The following EFHB variants were observed in gnomAD, a reference collection of about 807,000 sequenced individuals.
The protein encoded by EFHB is EF-hand domain family member B, also known as EF-hand domain-containing family member B.
EFHB carries 91 observed loss-of-function variants against 87.2 expected under a neutral mutation model. The ratio of observed to expected loss-of-function variants is 1.04; its 90% CI spans 0.88 to 1.24. The LOEUF (loss-of-function observed/expected upper bound fraction) is 1.24, where lower values mean the gene tolerates loss of function less well. Among genes scored for constraint, EFHB ranks in the 50% most tolerant of loss-of-function variants. The pLI, the probability that EFHB is intolerant of heterozygous loss-of-function variation, is 0.00. For synonymous variants in EFHB, 325 were observed against 333.6 expected (o/e 0.97, Z 0.28); for missense variants, 1,084 against 998.8 (o/e 1.09, Z -1.15).
intron 5 of EFHB, among the ~76,000 whole-genome samples, chr3:19,914,100 T>G (rs567116024): frequency 6.6e-6 from 1 of 152,134 alleles, no homozygotes. Context: ...CGCACCACCA[T>G]GCCTGACTAA....
intron 5 of EFHB, among the ~76,000 whole-genome samples, chr3:19,908,590 GAGAGAGAGAGAAAGAAAGAAAGAA>G (rs1694933012): frequency 3.6e-5 from 4 of 111,186 alleles, no homozygotes; most frequent in East Asian, 2.6e-4. Context: ...GAGAGAGAGA[GAGAGAGAGAGAAAGAAAGAAAGAA>G]AGAAAGAAAG....
chr3:19,917,455 A>T (rs1695272992), intron 4 of EFHB, among the ~76,000 whole-genome samples: 1 of 152,154 alleles, frequency 6.6e-6, no homozygotes, highest in South Asian at 2.1e-4. Context: ...AACAAAGCTA[A>T]GGTTCCTGGA....
At chr3:19,939,952 C>T (rs1394288107) in intron 1 of EFHB, among the ~76,000 whole-genome samples, 3 of 152,188 alleles carry the variant, frequency 2.0e-5, no homozygotes, top group Non-Finnish European at 4.4e-5. Flanking sequence ...ATCTCCTCTA[C>T]AGGAGTTTAA....
At chr3:19,917,788 G>A (rs749471958) in intron 4 of EFHB, among the ~76,000 whole-genome samples, 13 of 152,140 alleles carry the variant, frequency 8.5e-5, no homozygotes, top group Non-Finnish European at 1.5e-4. Flanking sequence ...TAGACCTCAC[G>A]GATCTGCATG....
At chr3:19,941,461 G>A (rs2125172193) in intron 1 of EFHB, 1 of 159,774 alleles carries the variant, frequency 6.3e-6, no homozygotes, top group Non-Finnish European at 1.4e-5. Flanking sequence ...ATAAAATGGT[G>A]GACCACTTGG....
intron 1 of EFHB, among the ~76,000 whole-genome samples, chr3:19,926,849 G>A (rs933405578): frequency 5.3e-5 from 8 of 151,412 alleles, no homozygotes; most frequent in East Asian, 3.9e-4. Context: ...TAGTAGAGAC[G>A]GGGTTTCTCT....
Position 19,884,265 on chromosome 3 carries a change from G to A in EFHB, c.2146+138C>T, listed in dbSNP as rs2071755277. On this transcript the variant is annotated intron_variant, in intron 11 of 12. Transcript: ENST00000295824. ...TTTATATGTGGGCCTCTCCTCCCCA[G>A]GTGGTTAGAATATGAATTAAATGCA... The A allele has an allele frequency of 6.5e-6, 5 of 764,494 alleles. No homozygotes were observed. The South Asian group carries it at 9.9e-5, about 15-fold the overall frequency. 47.4% of individuals were successfully genotyped at this position (764,494 alleles called of 1,614,324 possible). A position where few individuals can be genotyped will look rare whatever the true frequency, so the allele number is the denominator to read the frequency against.
At chr3:19,895,958 T>C (rs960350571) in intron 9 of EFHB, among the ~76,000 whole-genome samples, 1 of 152,224 alleles carries the variant, frequency 6.6e-6, no homozygotes, top group African/African-American at 2.4e-5. Flanking sequence ...TATGTAGCCC[T>C]AGATTGATCT....
intron 5 of EFHB, among the ~76,000 whole-genome samples, chr3:19,906,232 G>A (rs927986791): frequency 1.3e-5 from 2 of 152,186 alleles, no homozygotes; most frequent in Admixed American, 1.3e-4. Context: ...CGGAGGCTGA[G>A]GCACGAGAAT....
Position 19,933,777 on chromosome 3 carries a change from C to A in EFHB, c.242G>T (p.Arg81Met), listed in dbSNP as rs1443262693. 2 of 1,613,894 alleles carry A rather than the reference C, an allele frequency of 1.2e-6. No individual in the cohort carries two copies. The highest frequency in any genetic ancestry group is 2.7e-5 in the African/African-American group (2 of 74,928). Residue 81 changes from arginine (R) to methionine (M), a missense_variant, in exon 1 of 13, where the codon AGG becomes ATG. Transcript: ENST00000295824. ...EMGLERQNIS[R>M]TVMQRGSLGV... ...TAAACTACCCCTCTGCATGACAGTC[C>A]TAGAAATATTCTGTCTTTCTAATCC... is the stretch of plus-strand genomic sequence containing the variant.
intron 12 of EFHB, among the ~76,000 whole-genome samples, chr3:19,881,288 G>A (rs542320574): frequency 1.2e-4 from 18 of 152,150 alleles, no homozygotes; most frequent in Non-Finnish European, 2.5e-4. Flanking sequence ...ACTCCTTGGA[G>A]GCTTTGCTCC....
intron 6 of EFHB, among the ~76,000 whole-genome samples, chr3:19,904,899 T>C (rs1022845211): frequency 2.6e-5 from 4 of 152,206 alleles, no homozygotes; most frequent in Non-Finnish European, 5.9e-5. Context: ...ACAAGATATC[T>C]AGACTTTTAT....
At chr3:19,899,368 C>T in intron 7 of EFHB, 64 bp downstream of exon 7, 1 of 1,210,112 alleles carries the variant, frequency 8.3e-7, no homozygotes, top group Non-Finnish European at 1.2e-6. Context: ...CAACAGTTAC[C>T]ACAAGAGTAT....
chr3:19,918,036 T>A (rs1274116558), intron 4 of EFHB, among the ~76,000 whole-genome samples, 196 bp downstream of exon 4: 2 of 152,200 alleles, frequency 1.3e-5, no homozygotes, highest in Non-Finnish European at 2.9e-5. Context: ...AATACCTGAA[T>A]TTTTCCTGCC....
chr3:19,912,113 A>G (rs2125143629), intron 5 of EFHB, among the ~76,000 whole-genome samples: 1 of 152,310 alleles, frequency 6.6e-6, no homozygotes, highest in Non-Finnish European at 1.5e-5. Context: ...TAGAACACCA[A>G]GCAGATTTAA....
intron 5 of EFHB, 61 bp downstream of exon 5, chr3:19,915,242 C>A: frequency 9.3e-7 from 1 of 1,070,506 alleles, no homozygotes. Context: ...TTCCTTTATT[C>A]CTCTTCACAA....
rs537535296 is a variant in EFHB, at chr3:19,915,099, T to A, written c.1288+204A>T. Reference sequence around the variant, plus strand: ...AGAGACCCCTGTCTAAAAAAAAAAATTTAAATAAAATTTTTTTAAAAACCG... The same window carrying A: ...AGAGACCCCTGTCTAAAAAAAAAAAATTAAATAAAATTTTTTTAAAAACCG... On this transcript the variant is annotated intron_variant, in intron 5 of 12. Coordinates refer to ENST00000295824, the MANE Select transcript of EFHB (RefSeq NM_144715.4). 3.4e-3 allele frequency among the ~76,000 whole-genome samples: 522 copies of A among 151,854 alleles called. 3 individuals are homozygous for A. The highest frequency in any genetic ancestry group is 0.02 in the Middle Eastern group (6 of 294).
At chr3:19,919,046 G>T (rs1213899967) in intron 3 of EFHB, among the ~76,000 whole-genome samples, 2 of 150,776 alleles carry the variant, frequency 1.3e-5, no homozygotes, top group Admixed American at 1.3e-4. Flanking sequence ...ACTTCCAAAA[G>T]TTCTCTTCAG....
intron 10 of EFHB, among the ~76,000 whole-genome samples, chr3:19,886,042 T>A (rs956744334): frequency 6.6e-6 from 1 of 152,194 alleles, no homozygotes; most frequent in Non-Finnish European, 1.5e-5. Flanking sequence ...AAAAACTCCA[T>A]TTAAAATGGC....
Sources: allele counts gnomAD v4.1 joint callset (sites outside exome capture counted in the v4.1 genomes callset), GRCh38; gene constraint gnomAD v4.1.1; transcripts MANE v1.5; gene names NCBI Gene and HGNC (gene_info 2026-07-23, HGNC 2026-07-21).